PACRG: variants seen among roughly 807,000 people sequenced by gnomAD.
The protein encoded by PACRG is parkin coregulated gene protein.
PACRG carries 29 observed loss-of-function variants against 29.7 expected under a neutral mutation model. That is an observed-to-expected ratio of 0.98 (90% CI 0.73 to 1.33). PACRG has a LOEUF of 1.33. PACRG is among the 40% of genes most tolerant of loss of function. PACRG has a pLI of 0.00. For synonymous variants in PACRG, 116 were observed against 118.7 expected (o/e 0.98, Z 0.15); for missense variants, 279 against 316.2 (o/e 0.88, Z 0.89).
chr6:163,101,867 G>T (rs1815110226), intron 4 of PACRG, among the ~76,000 whole-genome samples: 1 of 152,030 alleles, frequency 6.6e-6, no homozygotes. Flanking sequence ...TCTTTTTTCG[G>T]GGGGAATGCC....
chr6:163,024,465 A>T (rs972165044), intron 2 of PACRG, among the ~76,000 whole-genome samples: 2 of 152,060 alleles, frequency 1.3e-5, no homozygotes, highest in African/African-American at 2.4e-5. Context: ...CCATGCTGTT[A>T]TGGTTACTAT....
rs1253956050 is a variant in PACRG at position 162,777,058 on chromosome 6, C to G, written c.157-37089C>G. On this transcript the variant is annotated intron_variant, in intron 1 of 4. Transcript: ENST00000366888. The surrounding 1 kb of genome is among the most constrained non-coding windows in gnomAD (Gnocchi z 4.0). The stretch of plus-strand genomic sequence containing the variant: ...ACTTATTCATGTAACCAAACACCAC[C>G]TGCTCCCTAAAAACCTATTGAAATA... Among the ~76,000 whole-genome samples the G allele has an allele frequency of 6.6e-6, 1 of 152,176 alleles. No individual in the cohort carries two copies. The highest frequency in any genetic ancestry group is 2.4e-5 in the African/African-American group (1 of 41,436).
intron 2 of PACRG, among the ~76,000 whole-genome samples, chr6:162,986,618 A>G (rs1802912071): frequency 6.6e-6 from 1 of 152,148 alleles, no homozygotes; most frequent in African/African-American, 2.4e-5. Flanking sequence ...CTAGAAGATA[A>G]TATTGGAGAA....
At chr6:163,121,583 A>G (rs921594466) in intron 4 of PACRG, among the ~76,000 whole-genome samples, 2 of 151,906 alleles carry the variant, frequency 1.3e-5, no homozygotes, top group Admixed American at 6.6e-5. Flanking sequence ...CTTCTCAGTC[A>G]TAAAACAGAC....
rs890937250 is a variant in PACRG at position 162,819,513 on chromosome 6, T to G, written c.291+5232T>G. ...CAGCAAAAATAAGAGATGAGAGAAA[T>G]GAAAACCATAGGGACCCAAAATGGA... On this transcript the variant is annotated intron_variant, in intron 2 of 4. Transcript: ENST00000366888. Among the ~76,000 whole-genome samples, 4 of 152,188 alleles carry G rather than the reference T, an allele frequency of 2.6e-5. No individual in the cohort carries two copies. The East Asian group carries it at 7.7e-4, about 29-fold the overall frequency.
chr6:162,758,233 T>A (rs186674543), intron 1 of PACRG, among the ~76,000 whole-genome samples: 1 of 152,332 alleles, frequency 6.6e-6, no homozygotes, highest in Admixed American at 6.5e-5. Context: ...CTATTACCTT[T>A]TTTAAAATGA....
At chr6:162,879,642 A>T (rs1302258881) in intron 2 of PACRG, among the ~76,000 whole-genome samples, 1 of 152,252 alleles carries the variant, frequency 6.6e-6, no homozygotes, top group Non-Finnish European at 1.5e-5. Context: ...GGCTTCATTC[A>T]TTAATTCATT....
At chr6:163,177,780 T>C (rs539511688) in intron 4 of PACRG, among the ~76,000 whole-genome samples, 2 of 132,152 alleles carry the variant, frequency 1.5e-5, no homozygotes, top group African/African-American at 5.8e-5. Context: ...GAGAAGAGTC[T>C]GAGAAACGTG....
intron 4 of PACRG, among the ~76,000 whole-genome samples, chr6:163,212,862 T>G (rs1461398567): frequency 6.6e-6 from 1 of 151,986 alleles, no homozygotes; most frequent in Non-Finnish European, 1.5e-5. Context: ...CACTGCAAGC[T>G]ATGCCTCCCA....
chr6:162,877,828 G>A (rs544851126), intron 2 of PACRG, among the ~76,000 whole-genome samples: 3 of 152,148 alleles, frequency 2.0e-5, no homozygotes, highest in East Asian at 3.9e-4. Flanking sequence ...TATCAGAAGG[G>A]ATTTTGCTTT....
intron 4 of PACRG, chr6:163,310,523 T>C (rs891479306): frequency 2.6e-5 from 4 of 152,212 alleles, no homozygotes; most frequent in African/African-American, 9.7e-5. Context: ...CTGCAGCTGC[T>C]GCCACGACCC....
intron 2 of PACRG, among the ~76,000 whole-genome samples, chr6:162,907,311 A>G (rs1358605112): frequency 2.0e-5 from 3 of 152,250 alleles, no homozygotes; most frequent in African/African-American, 7.2e-5. Context: ...TATTATCAAT[A>G]CATGCCTATT....
intron 1 of PACRG, among the ~76,000 whole-genome samples, chr6:162,741,272 T>C (rs1409608538): frequency 6.6e-6 from 1 of 152,154 alleles, no homozygotes; most frequent in African/African-American, 2.4e-5. Flanking sequence ...AGTTAGTGTC[T>C]TCAAGATCAG....
chr6:162,810,791 T>C (rs1786793930), intron 1 of PACRG, among the ~76,000 whole-genome samples: 2 of 152,160 alleles, frequency 1.3e-5, no homozygotes, highest in Admixed American at 1.3e-4. Flanking sequence ...TTCAGGGATC[T>C]GTGGCACTGT....
At chr6:162,784,518 G>A (rs1276635633) in intron 1 of PACRG, among the ~76,000 whole-genome samples, 7 of 151,930 alleles carry the variant, frequency 4.6e-5, no homozygotes, top group Non-Finnish European at 1.0e-4. Flanking sequence ...AGACACTGAA[G>A]GTTTTTTTTG....
intron 4 of PACRG, among the ~76,000 whole-genome samples, chr6:163,298,683 C>T (rs1368171968): frequency 2.0e-5 from 3 of 152,174 alleles, no homozygotes; most frequent in African/African-American, 7.2e-5. Context: ...ACTTGTATTC[C>T]TTCCACTCCA....
In PACRG at chr6:162,908,112, C is replaced by T. The variant is rs1362954623; in HGVS notation, c.291+93831C>T. Among the ~76,000 whole-genome samples the T allele has an allele frequency of 2.0e-5, 3 of 152,248 alleles. No individual in the cohort carries two copies. In the East Asian group the frequency reaches 5.8e-4, roughly 29 times the overall value. ...TGTCACTGTCTTGTGATTTTTAAGT[C>T]ATAGGCATATATTAATACTTACATA... On this transcript the variant is annotated intron_variant, in intron 2 of 4. Coordinates refer to ENST00000366888, the MANE Select transcript of PACRG (RefSeq NM_001080379.2).
chr6:163,272,910 G>A (rs1038188982), intron 4 of PACRG, among the ~76,000 whole-genome samples: 1 of 23,260 alleles, frequency 4.3e-5, no homozygotes, highest in South Asian at 1.2e-3. Flanking sequence ...TTTTTTTTTT[G>A]AGACGGAGTC....
At chr6:163,174,757 C>T (rs1260689795) in intron 4 of PACRG, among the ~76,000 whole-genome samples, 16 of 152,084 alleles carry the variant, frequency 1.1e-4, no homozygotes, top group Admixed American at 1.0e-3. Context: ...AACAGCTGGG[C>T]ACCGTCTCCA....
Sources: gnomAD v4.1 joint callset for allele counts (sites outside exome capture counted in the v4.1 genomes callset) on GRCh38, gnomAD v4.1.1 for gene constraint, Gnocchi (gnomAD v3.1) non-coding constraint, MANE v1.5 for transcripts, NCBI Gene and HGNC (gene_info 2026-07-23, HGNC 2026-07-21) for gene names.